CDH13: variants seen among roughly 807,000 people sequenced by gnomAD.
The protein encoded by CDH13 is cadherin 13.
Under a neutral mutation model 63.8 loss-of-function variants are expected in CDH13, and 24 were observed. The observed-to-expected ratio is 0.38, with a 90% confidence interval of 0.27 to 0.53. The LOEUF (loss-of-function observed/expected upper bound fraction) is 0.53. Among genes scored for constraint, CDH13 ranks in the 20% least tolerant of loss-of-function variants. The pLI is 0.85. For missense variants in CDH13, 1,049 were observed against 903.1 expected, an observed-to-expected ratio of 1.16 and a Z score of -2.07; for synonymous variants, 503 against 355.3, an observed-to-expected ratio of 1.42 and a Z score of -4.67.
chr16:83,192,106 C>A (rs532048893), intron 4 of CDH13, among the ~76,000 whole-genome samples: 4 of 152,210 alleles, frequency 2.6e-5, no homozygotes, highest in Non-Finnish European at 5.9e-5. Context: ...CCACCTGGCA[C>A]AGTTCCTGCC....
intron 5 of CDH13, among the ~76,000 whole-genome samples, chr16:83,322,852 G>A (rs928324492): frequency 5.9e-5 from 9 of 152,046 alleles, no homozygotes; most frequent in East Asian, 3.9e-4. Flanking sequence ...TTCCAAGGCC[G>A]TCAGGAACTA....
intron 5 of CDH13, among the ~76,000 whole-genome samples, chr16:83,334,039 A>C (rs2151905814): frequency 6.6e-6 from 1 of 151,980 alleles, no homozygotes; most frequent in South Asian, 2.1e-4. Flanking sequence ...TTGGGGAAAA[A>C]CCCATTTCCT....
chr16:82,904,540 A>G (rs757000930), intron 2 of CDH13, among the ~76,000 whole-genome samples: 1 of 152,188 alleles, frequency 6.6e-6, no homozygotes, highest in Non-Finnish European at 1.5e-5. Flanking sequence ...TGTTTCTGCC[A>G]TTACTTTTGC....
intron 1 of CDH13, among the ~76,000 whole-genome samples, chr16:82,638,215 C>T (rs1908926903): frequency 6.6e-6 from 1 of 152,164 alleles, no homozygotes. Flanking sequence ...CAGTCCAGGC[C>T]TTCACTAGGA....
chr16:83,513,828 C>T (rs1039982774), intron 7 of CDH13, among the ~76,000 whole-genome samples: 1 of 152,154 alleles, frequency 6.6e-6, no homozygotes, highest in Non-Finnish European at 1.5e-5. Flanking sequence ...AGACAAATGC[C>T]ACCATAATAG....
At chr16:83,395,079 C>T (rs993349977) in intron 6 of CDH13, among the ~76,000 whole-genome samples, 8 of 145,718 alleles carry the variant, frequency 5.5e-5, no homozygotes, top group African/African-American at 2.1e-4. Context: ...ACCCAGGAGG[C>T]AGAGGTTGCA....
At chr16:83,675,483 G>C (rs1434705813) in intron 9 of CDH13, among the ~76,000 whole-genome samples, 2 of 152,176 alleles carry the variant, frequency 1.3e-5, no homozygotes, top group Non-Finnish European at 2.9e-5. Flanking sequence ...GTCAGCCTGG[G>C]AACATAGGAG....
chr16:82,989,324 A>G (rs539618150), intron 2 of CDH13, among the ~76,000 whole-genome samples: 1 of 152,252 alleles, frequency 6.6e-6, no homozygotes, highest in East Asian at 1.9e-4. Flanking sequence ...TGCATATCGT[A>G]TTACCTTTTG....
At chr16:82,667,850 G>A (rs527827023) in intron 1 of CDH13, among the ~76,000 whole-genome samples, 1 of 152,266 alleles carries the variant, frequency 6.6e-6, no homozygotes, top group Admixed American at 6.5e-5. Context: ...CTGTTAGGGA[G>A]CCTTTTCAAT....
chr16:83,341,991 A>ACC (rs199786234), intron 5 of CDH13, among the ~76,000 whole-genome samples: 2,036 of 90,670 alleles, frequency 0.022, 20 homozygotes, highest in East Asian at 0.079. Flanking sequence ...GTCCCCTGCC[A>ACC]CACACACACA....
intron 2 of CDH13, among the ~76,000 whole-genome samples, chr16:82,982,829 T>G (rs192687537): frequency 6.6e-6 from 1 of 152,272 alleles, no homozygotes; most frequent in East Asian, 1.9e-4. Context: ...TCCCAGTATT[T>G]ATTGAGGGAT....
intron 3 of CDH13, among the ~76,000 whole-genome samples, chr16:83,043,206 A>G (rs1917476318): frequency 6.6e-6 from 1 of 152,220 alleles, no homozygotes. Flanking sequence ...TAATTTAAAT[A>G]GATAACAGAT....
chr16:83,767,318 G>A (rs941723016), intron 11 of CDH13, among the ~76,000 whole-genome samples: 1 of 152,108 alleles, frequency 6.6e-6, no homozygotes, highest in African/African-American at 2.4e-5. Context: ...TGGAATCATG[G>A]GGGCAGTTTT....
chr16:82,710,569 AT>A (rs1407686207), intron 1 of CDH13, among the ~76,000 whole-genome samples: 14 of 123,844 alleles, frequency 1.1e-4, no homozygotes, highest in African/African-American at 3.6e-4. Context: ...ATATATATAT[AT>A]ATATATAAAT....
At chr16:83,536,174 A>G (rs529918744) in intron 7 of CDH13, among the ~76,000 whole-genome samples, 9 of 152,342 alleles carry the variant, frequency 5.9e-5, no homozygotes, top group Non-Finnish European at 1.2e-4. Context: ...AGCCAAAACT[A>G]TGATAGCGGC....
At chr16:82,974,570 G>A (rs1909232047) in intron 2 of CDH13, among the ~76,000 whole-genome samples, 1 of 152,074 alleles carries the variant, frequency 6.6e-6, no homozygotes, top group South Asian at 2.1e-4. Flanking sequence ...GTGGCAAAAG[G>A]GACTTTGCAG....
At chr16:82,739,690 C>A (rs969933321) in intron 1 of CDH13, among the ~76,000 whole-genome samples, 1 of 151,956 alleles carries the variant, frequency 6.6e-6, no homozygotes, top group African/African-American at 2.4e-5. Context: ...CTTGTCTCTA[C>A]AAAAGAAAAA....
At chr16:83,043,520 TG>T (rs1300643865) in intron 3 of CDH13, among the ~76,000 whole-genome samples, 7 of 151,782 alleles carry the variant, frequency 4.6e-5, no homozygotes, top group African/African-American at 1.7e-4. Context: ...TGTGTGTGTG[TG>T]TGTGTGTATG....
intron 1 of CDH13, among the ~76,000 whole-genome samples, chr16:82,669,069 T>A (rs980263941): frequency 6.6e-6 from 1 of 152,236 alleles, no homozygotes; most frequent in African/African-American, 2.4e-5. Context: ...AAGCCACGGA[T>A]GAGCCTTGAA....
Sources: allele counts gnomAD v4.1 joint callset (sites outside exome capture counted in the v4.1 genomes callset), GRCh38; gene constraint gnomAD v4.1.1; transcripts MANE v1.5; gene names NCBI Gene and HGNC (gene_info 2026-07-23, HGNC 2026-07-21).